Variants in NAALAD2 observed in about 807,000 individuals in gnomAD.
NAALAD2 encodes the protein N-acetylated-alpha-linked acidic dipeptidase 2.
In NAALAD2, 89 loss-of-function variants were observed where a neutral mutation model predicts 95.6. That is an observed-to-expected ratio of 0.93 (90% CI 0.78 to 1.11). The LOEUF is 1.11. Among genes scored for constraint, NAALAD2 ranks in the 50% least tolerant of loss-of-function variants. The pLI, the probability that NAALAD2 is intolerant of heterozygous loss-of-function variation, is 0.00. For synonymous variants in NAALAD2, 264 were observed against 294.4 expected, an observed-to-expected ratio of 0.90 and a Z score of 1.06; for missense variants, 894 against 872.4, an observed-to-expected ratio of 1.02 and a Z score of -0.31.
chr11:90,140,986 CT>C, intron 2 of NAALAD2, among the ~76,000 whole-genome samples: 1 of 152,032 alleles, frequency 6.6e-6, no homozygotes, highest in Non-Finnish European at 1.5e-5. Flanking sequence ...CATTTAATTG[CT>C]TTTGCACCTT....
At position 90,135,579 on chromosome 11, in the gene NAALAD2, A is replaced by G; in HGVS notation, c.103A>G (p.Lys35Glu). Residue 35 changes from lysine to glutamate, a missense_variant, in exon 2 of 19, where the codon AAA becomes GAA. By Grantham distance (56) the Lys-to-Glu change is moderately conservative. Coordinates refer to ENST00000534061, the MANE Select transcript of NAALAD2 (RefSeq NM_005467.4). ...CTTAGGCTGGTTTATTAAGCCTCTC[A>G]AAGAAACGACCACTTCTGTGCGCTA... The part of the protein sequence containing the change: ...FMVGWFIKPL[K>E]ETTTSVRYHQ... 1 of 1,610,812 alleles carries G rather than the reference A, an allele frequency of 6.2e-7. No homozygotes were observed. The highest frequency in any genetic ancestry group is 8.5e-7 in the Non-Finnish European group (1 of 1,178,254).
In NAALAD2 at chr11:90,173,811, T is replaced by C. The variant is rs192907311; in HGVS notation, c.1411-13T>C. 6.3e-7 allele frequency: 1 copy of C among 1,597,260 alleles called. No individual in the cohort carries two copies. Among genetic ancestry groups the C allele is most frequent in the Non-Finnish European group, 8.5e-7 (1 of 1,173,256 alleles). ...TCTACCCCTAATTTCCAGTATTTGATTTCTCTTTCCAGATCCCCAGCCCTG... is the reference window on the plus strand; with the variant it reads ...TCTACCCCTAATTTCCAGTATTTGACTTCTCTTTCCAGATCCCCAGCCCTG... On this transcript the variant is annotated splice_polypyrimidine_tract_variant and intron_variant, in intron 13 of 18. Transcript: ENST00000534061.
At chr11:90,169,085 C>T (rs898544555) in intron 12 of NAALAD2, 93 bp downstream of exon 12, 3 of 800,192 alleles carry the variant, frequency 3.7e-6, no homozygotes, top group African/African-American at 3.6e-5. Flanking sequence ...TCTACTAAGA[C>T]TATAAATTCT....
Position 90,173,137 on chromosome 11 carries a change from A to G in NAALAD2, c.1411-687A>G, listed in dbSNP as rs116387645. On this transcript the variant is annotated intron_variant, in intron 13 of 18. Coordinates refer to ENST00000534061, the MANE Select transcript of NAALAD2 (RefSeq NM_005467.4). ...TAGAGTGTCAAAAGACAAGGCAAGT[A>G]TAAGTTTGTAAATGTATTTTTAATG... 6.3e-3 allele frequency among the ~76,000 whole-genome samples: 962 copies of G among 152,294 alleles called. 18 individuals are homozygous for G. Among genetic ancestry groups the G allele is most frequent in the African/African-American group, 0.022 (914 of 41,558 alleles).
chr11:90,140,154 C>T (rs370926167), intron 2 of NAALAD2, among the ~76,000 whole-genome samples: 144 of 152,154 alleles, frequency 9.5e-4, no homozygotes, highest in African/African-American at 3.4e-3. Flanking sequence ...TAATATCACA[C>T]AGTGGTTTAA....
At chr11:90,154,982 G>A (rs867602543) in intron 6 of NAALAD2, among the ~76,000 whole-genome samples, 11 of 80,482 alleles carry the variant, frequency 1.4e-4, no homozygotes, top group Non-Finnish European at 1.8e-4. Flanking sequence ...TATTATATAC[G>A]TATACATAAT....
intron 17 of NAALAD2, 84 bp downstream of exon 17, chr11:90,181,785 T>C: frequency 1.2e-6 from 1 of 845,630 alleles, no homozygotes; most frequent in Admixed American, 2.5e-5. Context: ...CATATTAGCA[T>C]TAACCTCTAA....
At chr11:90,140,443 A>G (rs1451997847) in intron 2 of NAALAD2, among the ~76,000 whole-genome samples, 1 of 120,534 alleles carries the variant, frequency 8.3e-6, no homozygotes, top group Non-Finnish European at 1.7e-5. Context: ...TTCGTGACAA[A>G]CCTCTTCTTT....
intron 16 of NAALAD2, among the ~76,000 whole-genome samples, chr11:90,179,176 C>T (rs1378614797): frequency 2.0e-5 from 3 of 152,156 alleles, no homozygotes; most frequent in Non-Finnish European, 2.9e-5. Context: ...TTAAATATTA[C>T]CTATTACTGT....
At chr11:90,167,512 G>C (rs1053790366) in intron 11 of NAALAD2, among the ~76,000 whole-genome samples, 1 of 152,216 alleles carries the variant, frequency 6.6e-6, no homozygotes, top group African/African-American at 2.4e-5. Context: ...ACTGACCAAG[G>C]GCTGAGAAGT....
intron 17 of NAALAD2, among the ~76,000 whole-genome samples, chr11:90,182,601 T>C (rs1005236261): frequency 1.3e-5 from 2 of 150,820 alleles, no homozygotes; most frequent in African/African-American, 2.4e-5. Context: ...ATAGCTCACT[T>C]TGTCTGCCTT....
At chr11:90,141,993 A>C (rs1229644930) in intron 2 of NAALAD2, among the ~76,000 whole-genome samples, 1 of 152,068 alleles carries the variant, frequency 6.6e-6, no homozygotes, top group Non-Finnish European at 1.5e-5. Flanking sequence ...TTCTAATCTT[A>C]AGGAGAAAGA....
chr11:90,163,683 C>A, intron 11 of NAALAD2, 66 bp downstream of exon 11: 2 of 1,378,860 alleles, frequency 1.5e-6, no homozygotes, highest in Non-Finnish European at 1.0e-6. Flanking sequence ...GTATGTGTCT[C>A]AGGATGATCA....
At position 90,168,991 on chromosome 11, in the gene NAALAD2, A is replaced by G. The variant is rs1952556070; in HGVS notation, c.1341A>G (p.Glu447=). 1.3e-6 allele frequency: 2 copies of G among 1,588,952 alleles called. No homozygotes were observed. Among genetic ancestry groups the G allele is most frequent in the Non-Finnish European group, 1.7e-6 (2 of 1,171,476 alleles). Residue 447 remains glutamate (E), a splice_region_variant and synonymous_variant, in exon 12 of 19, where the codon GAA becomes GAG. Coordinates refer to ENST00000534061, the MANE Select transcript of NAALAD2 (RefSeq NM_005467.4). ...ATATCAACTCGGATTCATCTATAGA[A>G]GGTAAATTTTATTTCAATTTGAAGT... ...IAYINSDSSI[E]GNYTLRVDCT... is the part of the protein sequence containing the mutation.
rs1007701254 is a variant in NAALAD2, at chr11:90,163,428, A to C, written c.1194A>C (p.Lys398Asn). Residue 398 changes from lysine to asparagine, a missense_variant and splice_region_variant, in exon 10 of 19, where the codon AAA becomes AAC. Physicochemically the swap from Lys to Asn is moderately conservative, Grantham distance 94. Coordinates refer to ENST00000534061, the MANE Select transcript of NAALAD2 (RefSeq NM_005467.4). ...IARSFGKLMS[K>N]GWRPRRTIIF... is the part of the protein sequence containing the mutation. ...GGAGTTTTGGAAAACTGATGAGTAA[A>C]GGTAAACAACCTTTCTTTCCTAGGT... is the stretch of plus-strand genomic sequence containing the variant. 6.2e-7 allele frequency: 1 copy of C among 1,613,978 alleles called. No homozygotes were observed.
chr11:90,186,601 GC>G (rs1857149792), intron 18 of NAALAD2, among the ~76,000 whole-genome samples: 1 of 151,946 alleles, frequency 6.6e-6, no homozygotes, highest in East Asian at 1.9e-4. Context: ...AATAAATGGT[GC>G]TGGGAAAACT....
intron 6 of NAALAD2, among the ~76,000 whole-genome samples, chr11:90,154,779 C>A (rs1387543121): frequency 6.7e-6 from 1 of 148,538 alleles, no homozygotes; most frequent in Admixed American, 6.8e-5. Context: ...AACTGTTTTT[C>A]ACTACAAATT....
intron 8 of NAALAD2, among the ~76,000 whole-genome samples, chr11:90,161,975 A>C (rs1289791515): frequency 1.3e-5 from 2 of 151,726 alleles, no homozygotes; most frequent in East Asian, 3.9e-4. Flanking sequence ...TTTTAGTTGA[A>C]TATTGCAAAT....
Position 90,141,786 on chromosome 11 carries a change from T to G in NAALAD2, c.195-5544T>G, listed in dbSNP as rs1050326998. On this transcript the variant is annotated intron_variant, in intron 2 of 18. Coordinates refer to ENST00000534061, the MANE Select transcript of NAALAD2 (RefSeq NM_005467.4). ...AAGAGTTTGGTTTGTTTGTTTGTTTTGGTTTGTTTCTTGTAGATTCATTGA... is the reference window on the plus strand; with the variant it reads ...AAGAGTTTGGTTTGTTTGTTTGTTTGGGTTTGTTTCTTGTAGATTCATTGA... Among the ~76,000 whole-genome samples the G allele has an allele frequency of 6.6e-5, 10 of 152,286 alleles. No individual in the cohort carries two copies. In the East Asian group the frequency reaches 1.7e-3, roughly 26 times the overall value.
Sources: allele counts gnomAD v4.1 joint callset (sites outside exome capture counted in the v4.1 genomes callset), GRCh38; gene constraint gnomAD v4.1.1; transcripts MANE v1.5; gene names NCBI Gene and HGNC (gene_info 2026-07-23, HGNC 2026-07-21).